Variants in HDAC9 observed in about 807,000 individuals in gnomAD.
HDAC9 encodes MEF-2 interacting transcription repressor (MITR) protein.
In HDAC9, 41 loss-of-function variants were observed where a neutral mutation model predicts 139.4. That is an observed-to-expected ratio of 0.29 (90% CI 0.23 to 0.38). HDAC9 has a LOEUF of 0.38. HDAC9 is among the 10% of genes least tolerant of loss of function. The pLI, the probability that HDAC9 is intolerant of heterozygous loss-of-function variation, is 1.00. For synonymous variants in HDAC9, 517 were observed against 476.2 expected, an observed-to-expected ratio of 1.09 and a Z score of -1.12; for missense variants, 1,147 against 1,297.0, an observed-to-expected ratio of 0.88 and a Z score of 1.78.
intron 2 of HDAC9, among the ~76,000 whole-genome samples, chr7:18,183,362 A>G (rs905064477): frequency 3.9e-5 from 6 of 152,278 alleles, no homozygotes; most frequent in Non-Finnish European, 2.9e-5. Flanking sequence ...CAAATGAACC[A>G]ATCCCTCAAT....
At chr7:18,548,183 G>A (rs918797887) in intron 2 of HDAC9, among the ~76,000 whole-genome samples, 2 of 152,032 alleles carry the variant, frequency 1.3e-5, no homozygotes, top group African/African-American at 4.8e-5. Context: ...ACTGACTGCT[G>A]GTCAGTGAAG....
At chr7:18,440,991 T>C (rs1791702691) in intron 1 of HDAC9, among the ~76,000 whole-genome samples, 2 of 152,220 alleles carry the variant, frequency 1.3e-5, no homozygotes, top group African/African-American at 4.8e-5. Flanking sequence ...GACACGAGAT[T>C]TGGCTTCTAG....
chr7:18,749,969 T>G (rs1223989596), intron 14 of HDAC9, among the ~76,000 whole-genome samples: 1 of 152,216 alleles, frequency 6.6e-6, no homozygotes, highest in East Asian at 1.9e-4. Flanking sequence ...TAAACATGAT[T>G]CAAGTACTGG....
chr7:18,392,309 T>TCACA lies in HDAC9; in HGVS notation c.-42+101795_-42+101796insACAC, dbSNP rs1385711426. On this transcript the variant is annotated intron_variant, in intron 1 of 3. Coordinates refer to the HDAC9 transcript ENST00000413509. ...CTCTCTGTCTCTCTCTCTCTCTCTC[T>TCACA]CTCTCTCACACACACACACACACAC... Among the ~76,000 whole-genome samples the TCACA allele has an allele frequency of 1.4e-3, 187 of 131,302 alleles. 1 individual carries two copies. The highest frequency in any genetic ancestry group is 5.9e-3 in the African/African-American group (182 of 30,650). 86.1% of individuals were successfully genotyped at this position (131,302 alleles called of 152,430 possible). A position where few individuals can be genotyped will look rare whatever the true frequency, so the allele number is the denominator to read the frequency against.
intron 25 of HDAC9, among the ~76,000 whole-genome samples, chr7:18,994,687 G>T (rs900381064): frequency 5.9e-5 from 9 of 152,128 alleles, no homozygotes; most frequent in Admixed American, 1.3e-4. Flanking sequence ...TTTTAGATTT[G>T]TTATACAAAT....
intron 22 of HDAC9, among the ~76,000 whole-genome samples, chr7:18,900,540 T>A (rs1378222698): frequency 6.6e-6 from 1 of 152,166 alleles, no homozygotes; most frequent in African/African-American, 2.4e-5. Flanking sequence ...TTGAAGTCCA[T>A]GGCCAAGAAG....
At chr7:18,565,473 G>A (rs1475695095) in intron 2 of HDAC9, among the ~76,000 whole-genome samples, 1 of 152,116 alleles carries the variant, frequency 6.6e-6, no homozygotes, top group Non-Finnish European at 1.5e-5. Context: ...ATCAGAGACA[G>A]CTTGCTGTGT....
intron 2 of HDAC9, among the ~76,000 whole-genome samples, chr7:18,277,962 C>G (rs1391180264): frequency 2.0e-5 from 3 of 152,152 alleles, no homozygotes; most frequent in African/African-American, 7.2e-5. Flanking sequence ...TACCGTTAGT[C>G]CTTTACCATG....
intron 1 of HDAC9, among the ~76,000 whole-genome samples, chr7:18,161,837 A>G (rs539333542): frequency 6.6e-6 from 1 of 152,270 alleles, no homozygotes; most frequent in Non-Finnish European, 1.5e-5. Flanking sequence ...TTTGATAATG[A>G]TAGTTTAAAA....
chr7:18,495,699 GA>G (rs1352217792), upstream of HDAC9: 1 of 975,582 alleles, frequency 1.0e-6, no homozygotes, highest in Non-Finnish European at 1.2e-6. Context: ...TATGCAAATG[GA>G]TTATCACTCG....
chr7:18,560,076 G>C (rs1820111533), intron 2 of HDAC9, among the ~76,000 whole-genome samples: 1 of 152,088 alleles, frequency 6.6e-6, no homozygotes, highest in Admixed American at 6.5e-5. Context: ...CTCTTTCCAA[G>C]AGGCAATTTT....
At chr7:18,841,847 C>G (rs1796603820) in intron 21 of HDAC9, among the ~76,000 whole-genome samples, 1 of 152,066 alleles carries the variant, frequency 6.6e-6, no homozygotes, top group Non-Finnish European at 1.5e-5. Flanking sequence ...GAGAGCCTAT[C>G]AAATTAAACC....
intron 1 of HDAC9, among the ~76,000 whole-genome samples, chr7:18,481,104 G>A (rs547527876): frequency 1.3e-5 from 2 of 152,076 alleles, no homozygotes; most frequent in Non-Finnish European, 2.9e-5. Flanking sequence ...CCACTGTGGC[G>A]GCTTCTGGCC....
At chr7:18,443,549 A>G (rs1381740172) in intron 1 of HDAC9, among the ~76,000 whole-genome samples, 2 of 152,334 alleles carry the variant, frequency 1.3e-5, no homozygotes, top group East Asian at 3.9e-4. Context: ...GGTCCATTCT[A>G]AAAAACATGT....
intron 2 of HDAC9, among the ~76,000 whole-genome samples, chr7:18,529,499 C>A (rs1808140337): frequency 6.6e-6 from 1 of 152,090 alleles, no homozygotes; most frequent in Admixed American, 6.5e-5. Flanking sequence ...AAAGTAGATG[C>A]CAAAGTAGAT....
At chr7:18,103,263 C>A (rs1489735437) in intron 1 of HDAC9, among the ~76,000 whole-genome samples, 1 of 152,164 alleles carries the variant, frequency 6.6e-6, no homozygotes, top group Non-Finnish European at 1.5e-5. Flanking sequence ...GGGATTATTA[C>A]AATTCAGGGT....
intron 1 of HDAC9, among the ~76,000 whole-genome samples, chr7:18,096,917 G>A (rs931572267): frequency 1.3e-5 from 2 of 151,116 alleles, no homozygotes; most frequent in Non-Finnish European, 2.9e-5. Flanking sequence ...GTGTGTGTGT[G>A]TGTGTATTCG....
chr7:18,869,589 A>G (rs754605128), intron 21 of HDAC9, among the ~76,000 whole-genome samples: 35 of 140,400 alleles, frequency 2.5e-4, no homozygotes, highest in Non-Finnish European at 5.2e-4. Flanking sequence ...ACAGACTAAT[A>G]AAGAGACTGA....
chr7:18,152,328 GC>G (rs1240025763), intron 1 of HDAC9, among the ~76,000 whole-genome samples: 1 of 152,170 alleles, frequency 6.6e-6, no homozygotes, highest in Non-Finnish European at 1.5e-5. Context: ...TAAATAATTT[GC>G]CTGTGAAAAT....
Sources: gnomAD v4.1 joint callset for allele counts (sites outside exome capture counted in the v4.1 genomes callset) on GRCh38, gnomAD v4.1.1 for gene constraint, MANE v1.5 for transcripts, NCBI Gene and HGNC (gene_info 2026-07-23, HGNC 2026-07-21) for gene names.